The following MALRD1 variants were observed in gnomAD, a reference collection of about 807,000 sequenced individuals.
The protein encoded by MALRD1 is MAM and LDL receptor class A domain containing 1.
In MALRD1, 247 loss-of-function variants were observed where a neutral mutation model predicts 242.1. The ratio of observed to expected loss-of-function variants is 1.02; its 90% CI spans 0.92 to 1.13. The LOEUF is 1.13. Among genes scored for constraint, MALRD1 ranks in the 50% most tolerant of loss-of-function variants. The probability of loss-of-function intolerance (pLI) is 0.00; values close to 1 mark genes in which losing one functional copy is unlikely to be tolerated. For synonymous variants in MALRD1, 995 were observed against 866.6 expected (o/e 1.15, Z -2.60); for missense variants, 2,989 against 2,533.1 (o/e 1.18, Z -3.86).
chr10:19,396,694 C>A (rs375725156), intron 28 of MALRD1, among the ~76,000 whole-genome samples: 22 of 152,212 alleles, frequency 1.4e-4, no homozygotes, highest in African/African-American at 5.3e-4. Context: ...AGGTTATTGT[C>A]CCTCAAAGTT....
intron 18 of MALRD1, among the ~76,000 whole-genome samples, chr10:19,234,763 C>T (rs1204683269): frequency 6.6e-6 from 1 of 152,102 alleles, no homozygotes; most frequent in African/African-American, 2.4e-5. Flanking sequence ...TGATCATTGT[C>T]CTCATGGAGT....
At chr10:19,394,575 G>A (rs1003840017) in intron 28 of MALRD1, among the ~76,000 whole-genome samples, 30 of 152,230 alleles carry the variant, frequency 2.0e-4, no homozygotes, top group African/African-American at 6.7e-4. Context: ...TTGTAGACAA[G>A]GGTCAACTGA....
chr10:19,733,079 T>A (rs543632250), intron 39 of MALRD1, among the ~76,000 whole-genome samples: 1 of 152,284 alleles, frequency 6.6e-6, no homozygotes, highest in South Asian at 2.1e-4. Context: ...TTCCCCATCA[T>A]CAGAAAGATA....
At chr10:19,690,158 C>T (rs548690429) in intron 36 of MALRD1, among the ~76,000 whole-genome samples, 9 of 152,072 alleles carry the variant, frequency 5.9e-5, no homozygotes, top group East Asian at 5.8e-4. Context: ...AATAAAGATA[C>T]GGATAAATCA....
At chr10:19,636,154 A>T (rs1262381225) in intron 36 of MALRD1, among the ~76,000 whole-genome samples, 1 of 152,194 alleles carries the variant, frequency 6.6e-6, no homozygotes, top group East Asian at 1.9e-4. Flanking sequence ...TGACCATGGA[A>T]TTCTCTCAGG....
At chr10:19,148,223 A>G (rs891367198) in intron 11 of MALRD1, among the ~76,000 whole-genome samples, 1 of 151,870 alleles carries the variant, frequency 6.6e-6, no homozygotes, top group Non-Finnish European at 1.5e-5. Context: ...TCTCAAAGGG[A>G]AGCTGTGCGG....
intron 32 of MALRD1, among the ~76,000 whole-genome samples, chr10:19,543,976 A>G (rs1378289832): frequency 6.6e-6 from 1 of 151,974 alleles, no homozygotes; most frequent in African/African-American, 2.4e-5. Flanking sequence ...ATTCCATGCT[A>G]CTTGGCTTTA....
intron 33 of MALRD1, among the ~76,000 whole-genome samples, chr10:19,572,875 C>A (rs1001658536): frequency 2.0e-5 from 3 of 152,118 alleles, no homozygotes; most frequent in African/African-American, 4.8e-5. Context: ...AGCAGCTTCT[C>A]CCCAGAGTCT....
chr10:19,590,768 C>A (rs555468569), intron 33 of MALRD1, among the ~76,000 whole-genome samples: 7 of 152,130 alleles, frequency 4.6e-5, no homozygotes, highest in African/African-American at 1.7e-4. Context: ...AGGTTCACAG[C>A]AGAATTGAGA....
intron 26 of MALRD1, among the ~76,000 whole-genome samples, chr10:19,356,594 T>G (rs1844647828): frequency 6.6e-6 from 1 of 152,238 alleles, no homozygotes; most frequent in East Asian, 1.9e-4. Context: ...TTAAATCCAG[T>G]GTGTATTGTA....
intron 36 of MALRD1, among the ~76,000 whole-genome samples, chr10:19,674,193 A>T (rs1041690848): frequency 6.6e-6 from 1 of 152,224 alleles, no homozygotes; most frequent in South Asian, 2.1e-4. Flanking sequence ...TAAGCTTAGT[A>T]TATTTAGGGA....
At chr10:19,674,164 G>A (rs1842044430) in intron 36 of MALRD1, among the ~76,000 whole-genome samples, 1 of 152,148 alleles carries the variant, frequency 6.6e-6, no homozygotes, top group Admixed American at 6.5e-5. Context: ...GAGCAAACAT[G>A]AAGTCACTAA....
At chr10:19,692,760 T>G (rs563201622) in intron 38 of MALRD1, among the ~76,000 whole-genome samples, 62 of 149,070 alleles carry the variant, frequency 4.2e-4, no homozygotes, top group African/African-American at 1.4e-3. Context: ...AGCCTGAAGT[T>G]TACTTTTCAG....
intron 5 of MALRD1, among the ~76,000 whole-genome samples, chr10:19,105,996 G>A (rs1407965489): frequency 2.0e-5 from 3 of 151,746 alleles, no homozygotes; most frequent in Non-Finnish European, 1.5e-5. Flanking sequence ...TTCCTTTGTT[G>A]TACAGAAGAT....
chr10:19,383,494 A>G (rs1454040099), intron 26 of MALRD1, among the ~76,000 whole-genome samples: 1 of 152,220 alleles, frequency 6.6e-6, no homozygotes, highest in Admixed American at 6.5e-5. Flanking sequence ...TATTCTGGAT[A>G]GTGCTGTGAT....
intron 2 of MALRD1, among the ~76,000 whole-genome samples, chr10:19,077,305 A>C (rs1194506047): frequency 6.6e-6 from 1 of 151,930 alleles, no homozygotes. Flanking sequence ...AACCCTGCTA[A>C]ACATAAAGCC....
intron 29 of MALRD1, among the ~76,000 whole-genome samples, chr10:19,463,683 C>T (rs1836065587): frequency 6.6e-6 from 1 of 151,924 alleles, no homozygotes; most frequent in African/African-American, 2.4e-5. Flanking sequence ...CATGCGTGTG[C>T]AAGTATCTTT....
chr10:19,205,895 T>G (rs1836761393), intron 17 of MALRD1, among the ~76,000 whole-genome samples: 2 of 141,396 alleles, frequency 1.4e-5, no homozygotes, highest in African/African-American at 5.4e-5. Flanking sequence ...GGAAAATAAG[T>G]TAGAAGTTAA....
chr10:19,190,192 C>A (rs1835909913), intron 14 of MALRD1, among the ~76,000 whole-genome samples: 1 of 151,700 alleles, frequency 6.6e-6, no homozygotes, highest in African/African-American at 2.4e-5. Context: ...AATTAAAAAC[C>A]CAATTCTCTT....
Sources: allele counts gnomAD v4.1 joint callset (sites outside exome capture counted in the v4.1 genomes callset), GRCh38; gene constraint gnomAD v4.1.1; transcripts MANE v1.5; gene names NCBI Gene and HGNC (gene_info 2026-07-23, HGNC 2026-07-21).